TENM2: variants seen among roughly 807,000 people sequenced by gnomAD.
The protein encoded by TENM2 is teneurin-2.
In TENM2, 52 loss-of-function variants were observed where a neutral mutation model predicts 245.2. The observed-to-expected ratio is 0.21, with a 90% CI of 0.17 to 0.27. TENM2 has a LOEUF of 0.27. TENM2 is among the 10% of genes least tolerant of loss of function. The probability of loss-of-function intolerance (pLI) is 1.00; values close to 1 mark genes in which losing one functional copy is unlikely to be tolerated. For missense variants in TENM2, 3,046 were observed against 3,666.8 expected, an observed-to-expected ratio of 0.83 and a Z score of 4.37; for synonymous variants, 1,363 against 1,438.9, an observed-to-expected ratio of 0.95 and a Z score of 1.19.
At chr5:167,085,662 T>C in the TENM2 span, among the ~76,000 whole-genome samples, 1 of 152,208 alleles carries the variant, frequency 6.6e-6, no homozygotes, top group Non-Finnish European at 1.5e-5. Flanking sequence ...AGAAGTCTGA[T>C]TCAAAAGCTC....
the TENM2 span, among the ~76,000 whole-genome samples, chr5:167,023,200 A>T: frequency 1.3e-5 from 2 of 152,370 alleles, no homozygotes; most frequent in East Asian, 3.9e-4. Context: ...CAATAACAGG[A>T]ATACTTGCAT....
At chr5:167,559,819 A>G (rs1230481281) in intron 2 of TENM2, among the ~76,000 whole-genome samples, 1 of 152,182 alleles carries the variant, frequency 6.6e-6, no homozygotes, top group Non-Finnish European at 1.5e-5. Flanking sequence ...AGTTATGTTC[A>G]ATGGGTAGGT....
At chr5:167,451,632 A>G (rs1213653621) in intron 2 of TENM2, among the ~76,000 whole-genome samples, 2 of 150,956 alleles carry the variant, frequency 1.3e-5, no homozygotes, top group African/African-American at 4.9e-5. Flanking sequence ...TCAGGAGCAG[A>G]TGCCCTATAG....
At chr5:167,837,331 A>G (rs1769094324) in intron 2 of TENM2, among the ~76,000 whole-genome samples, 1 of 152,148 alleles carries the variant, frequency 6.6e-6, no homozygotes, top group African/African-American at 2.4e-5. Flanking sequence ...TCAAGAAAAC[A>G]TCCTACAAGG....
chr5:168,178,690 G>A (rs957648284), intron 13 of TENM2, among the ~76,000 whole-genome samples: 3 of 152,174 alleles, frequency 2.0e-5, no homozygotes, highest in African/African-American at 7.2e-5. Context: ...AAATGAACAT[G>A]TCTTCTGAAG....
intron 2 of TENM2, among the ~76,000 whole-genome samples, chr5:167,445,748 T>A (rs1366540580): frequency 1.3e-5 from 2 of 152,114 alleles, no homozygotes; most frequent in South Asian, 4.1e-4. Context: ...ATTGCTTGTC[T>A]GGGAGATGGA....
intron 2 of TENM2, among the ~76,000 whole-genome samples, chr5:167,383,632 C>A (rs13176584): frequency 0.17 from 25,017 of 150,070 alleles, 2,230 homozygotes; most frequent in Non-Finnish European, 0.2. Flanking sequence ...ACTCCATGAG[C>A]TAATTTTTTT....
At chr5:167,381,446 G>T (rs1761090343) in intron 2 of TENM2, among the ~76,000 whole-genome samples, 1 of 152,164 alleles carries the variant, frequency 6.6e-6, no homozygotes. Context: ...GCTGAATCCA[G>T]TTTGAATTGT....
At chr5:167,094,822 G>A in the TENM2 span, among the ~76,000 whole-genome samples, 2 of 152,164 alleles carry the variant, frequency 1.3e-5, no homozygotes, top group African/African-American at 4.8e-5. Flanking sequence ...TCAGGGGCAA[G>A]TGAATTTCTC....
At chr5:167,196,107 G>T in the TENM2 span, among the ~76,000 whole-genome samples, 1 of 151,946 alleles carries the variant, frequency 6.6e-6, no homozygotes, top group Admixed American at 6.6e-5. Flanking sequence ...CACTACACAC[G>T]TAGGTTATAT....
chr5:167,293,341 A>C (rs1429756720), intron 1 of TENM2, among the ~76,000 whole-genome samples: 1 of 149,688 alleles, frequency 6.7e-6, no homozygotes, highest in African/African-American at 2.5e-5. Flanking sequence ...AGCTGGCATT[A>C]CAGGGATGCG....
chr5:168,130,924 T>C (rs1754519737), intron 12 of TENM2, among the ~76,000 whole-genome samples: 1 of 152,078 alleles, frequency 6.6e-6, no homozygotes, highest in Non-Finnish European at 1.5e-5. Context: ...CAAAAGGCCA[T>C]GCAAAGCCTG....
the TENM2 span, among the ~76,000 whole-genome samples, chr5:167,013,152 C>T: frequency 1.6e-4 from 25 of 152,124 alleles, no homozygotes; most frequent in South Asian, 1.0e-3. Flanking sequence ...AAATATTACC[C>T]GGACATGTAA....
the TENM2 span, among the ~76,000 whole-genome samples, chr5:167,037,183 G>A: frequency 9.4e-3 from 1,426 of 152,262 alleles, 22 homozygotes; most frequent in African/African-American, 0.032. Flanking sequence ...GCTTTCCTCA[G>A]TTCTGACAAG....
intron 2 of TENM2, among the ~76,000 whole-genome samples, chr5:167,663,175 AGAGAGAGAG>A (rs1561650049): frequency 9.3e-5 from 14 of 150,414 alleles, no homozygotes; most frequent in African/African-American, 3.2e-4. Context: ...AGAGAGAGAG[AGAGAGAGAG>A]AGAAAGAGAG....
At chr5:167,231,031 C>T in the TENM2 span, among the ~76,000 whole-genome samples, 1 of 152,184 alleles carries the variant, frequency 6.6e-6, no homozygotes, top group Non-Finnish European at 1.5e-5. Context: ...CACTCATTCT[C>T]TCTCCTGCTG....
At chr5:166,981,479 C>T in the TENM2 span, among the ~76,000 whole-genome samples, 5 of 152,212 alleles carry the variant, frequency 3.3e-5, no homozygotes, top group African/African-American at 7.2e-5. Context: ...GTACCTAAAG[C>T]GTCAGGTTCC....
the TENM2 span, among the ~76,000 whole-genome samples, chr5:167,253,523 G>A: frequency 6.6e-6 from 1 of 151,960 alleles, no homozygotes; most frequent in Non-Finnish European, 1.5e-5. Context: ...TCATTTAGAA[G>A]TTAAAATCTT....
intron 2 of TENM2, among the ~76,000 whole-genome samples, chr5:167,663,537 T>A (rs77223268): frequency 0.014 from 2,184 of 152,278 alleles, 50 homozygotes; most frequent in African/African-American, 0.05. Flanking sequence ...TACTCCATTG[T>A]GACTAGATTT....
Sources: allele counts gnomAD v4.1 joint callset (sites outside exome capture counted in the v4.1 genomes callset), GRCh38; gene constraint gnomAD v4.1.1; transcripts MANE v1.5; gene names NCBI Gene and HGNC (gene_info 2026-07-23, HGNC 2026-07-21).